The following HDAC9 variants were observed in gnomAD, a reference collection of about 807,000 sequenced individuals.
HDAC9 encodes histone deacetylase 9.
In HDAC9, 41 loss-of-function variants were observed where a neutral mutation model predicts 139.4. The ratio of observed to expected loss-of-function variants is 0.29; its 90% confidence interval spans 0.23 to 0.38. HDAC9 has a LOEUF of 0.38. Ranked by LOEUF, HDAC9 falls within the 10% of genes least tolerant of loss-of-function variation. The pLI is 1.00. For missense variants in HDAC9, 1,147 were observed against 1,297.0 expected, an observed-to-expected ratio of 0.88 and a Z score of 1.78; for synonymous variants, 517 against 476.2, an observed-to-expected ratio of 1.09 and a Z score of -1.12.
intron 1 of HDAC9, among the ~76,000 whole-genome samples, chr7:18,400,937 A>G (rs1291493972): frequency 6.6e-6 from 1 of 152,216 alleles, no homozygotes; most frequent in Non-Finnish European, 1.5e-5. Context: ...ATCAGAAGCT[A>G]AATAAACAGT....
At chr7:18,426,394 T>G (rs768232246) in intron 1 of HDAC9, among the ~76,000 whole-genome samples, 4 of 152,196 alleles carry the variant, frequency 2.6e-5, no homozygotes, top group Non-Finnish European at 5.9e-5. Context: ...CTGAATATTT[T>G]GCTAACATAC....
chr7:18,168,879 G>GTTTTTT (rs112502543), intron 2 of HDAC9, among the ~76,000 whole-genome samples: 5 of 80,882 alleles, frequency 6.2e-5, no homozygotes, highest in South Asian at 5.3e-4. Context: ...CAAATGTCTT[G>GTTTTTT]TTTTTTTTTT....
At chr7:18,237,313 C>T (rs1157842306) in intron 2 of HDAC9, among the ~76,000 whole-genome samples, 1 of 152,182 alleles carries the variant, frequency 6.6e-6, no homozygotes, top group Admixed American at 6.5e-5. Flanking sequence ...ATGTAACTGA[C>T]ATAGTAATTT....
intron 1 of HDAC9, among the ~76,000 whole-genome samples, chr7:18,326,102 A>G (rs1178543949): frequency 6.6e-6 from 1 of 152,146 alleles, no homozygotes; most frequent in Non-Finnish European, 1.5e-5. Context: ...ACATTAGACC[A>G]ATGATATTCT....
chr7:18,158,553 C>A (rs574248695), intron 1 of HDAC9, among the ~76,000 whole-genome samples: 1 of 152,288 alleles, frequency 6.6e-6, no homozygotes, highest in African/African-American at 2.4e-5. Context: ...ATTTGCCAGC[C>A]ACATATCTGT....
At chr7:18,096,521 A>C (rs114893315) in intron 1 of HDAC9, among the ~76,000 whole-genome samples, 2,533 of 152,320 alleles carry the variant, frequency 0.017, 81 homozygotes, top group African/African-American at 0.058. Context: ...AATATTTCAC[A>C]TCAAGCTCAT....
At chr7:18,941,355 G>C (rs143407939) in intron 23 of HDAC9, among the ~76,000 whole-genome samples, 1 of 152,012 alleles carries the variant, frequency 6.6e-6, no homozygotes, top group Non-Finnish European at 1.5e-5. Flanking sequence ...TGATTGTGTT[G>C]GTTGATAATC....
Position 18,468,893 on chromosome 7 carries a change from A to G in HDAC9, c.-41-27369A>G, listed in dbSNP as rs1329297163. On this transcript the variant is annotated intron_variant, in intron 1 of 3. Transcript: ENST00000413509. ...GGTATAAGTACAAACCAAGAGACAC[A>G]AAAATCAATTTAAAAGATAAATCTC... 2.0e-5 allele frequency among the ~76,000 whole-genome samples: 3 copies of G among 152,222 alleles called. No individual in the cohort carries two copies. In the East Asian group the frequency reaches 5.8e-4, roughly 29 times the overall value.
intron 13 of HDAC9, among the ~76,000 whole-genome samples, chr7:18,728,674 C>A (rs1374751006): frequency 2.6e-5 from 4 of 152,114 alleles, no homozygotes; most frequent in Non-Finnish European, 4.4e-5. Context: ...TTTTAAAATC[C>A]ATTTTCAGGA....
In HDAC9 at chr7:18,744,124, G is replaced by C. The variant is rs541475559; in HGVS notation, c.1910-4881G>C. On this transcript the variant is annotated intron_variant, in intron 13 of 25. Transcript: ENST00000686413. ...TCCTGCCTCAGCCTCCTGAGTAGCT[G>C]GGATTGCAGGCATATACCACCACAC... Among the ~76,000 whole-genome samples, 3 of 149,446 alleles carry C rather than the reference G, an allele frequency of 2.0e-5. No individual in the cohort carries two copies. In the East Asian group the frequency reaches 6.1e-4, roughly 30 times the overall value.
At chr7:18,508,677 A>G (rs1800527660) in intron 2 of HDAC9, among the ~76,000 whole-genome samples, 1 of 152,154 alleles carries the variant, frequency 6.6e-6, no homozygotes, top group African/African-American at 2.4e-5. Flanking sequence ...AGTTCAGTGA[A>G]GCAAACAGTT....
chr7:18,461,754 C>T (rs1368647307), intron 1 of HDAC9, among the ~76,000 whole-genome samples: 1 of 152,102 alleles, frequency 6.6e-6, no homozygotes, highest in Non-Finnish European at 1.5e-5. Flanking sequence ...CACTGTGTTA[C>T]TGTTAGATTT....
At chr7:18,087,643 A>G (rs1050945976) in intron 1 of HDAC9, among the ~76,000 whole-genome samples, 1 of 152,212 alleles carries the variant, frequency 6.6e-6, no homozygotes, top group African/African-American at 2.4e-5. Flanking sequence ...AAGTCAATAC[A>G]TCAGAATCCT....
intron 13 of HDAC9, among the ~76,000 whole-genome samples, chr7:18,738,703 C>T (rs374726980): frequency 4.3e-4 from 66 of 152,256 alleles, no homozygotes; most frequent in Middle Eastern, 3.4e-3. Flanking sequence ...CTTTTTCCTT[C>T]ATTTCAACCT....
intron 14 of HDAC9, among the ~76,000 whole-genome samples, chr7:18,753,829 T>A (rs535765254): frequency 2.0e-5 from 3 of 152,232 alleles, no homozygotes; most frequent in African/African-American, 7.2e-5. Context: ...TATGTTTAGA[T>A]GAGGGTGTTA....
At position 18,272,131 on chromosome 7, in the gene HDAC9, T is replaced by C. The variant is rs1217062123; in HGVS notation, c.25+109782T>C. On this transcript the variant is annotated intron_variant, in intron 2 of 12. Transcript: ENST00000417496. ...CATAGATTATTATGGAATGGCAGTA[T>C]TTCAAATGTTTATGTTTTACAGGAT... is the stretch of plus-strand genomic sequence containing the variant. Among the ~76,000 whole-genome samples the C allele has an allele frequency of 2.6e-5, 4 of 152,172 alleles. No homozygotes were observed. The East Asian group carries it at 7.7e-4, about 29-fold the overall frequency.
intron 12 of HDAC9, chr7:18,667,789 G>A (rs1795244017): frequency 5.1e-6 from 5 of 984,736 alleles, no homozygotes; most frequent in South Asian, 4.7e-5. Context: ...AACACCACAA[G>A]TAGGGAAATT....
intron 2 of HDAC9, among the ~76,000 whole-genome samples, chr7:18,275,653 CAT>C (rs1796669833): frequency 6.6e-6 from 1 of 152,186 alleles, no homozygotes; most frequent in Non-Finnish European, 1.5e-5. Flanking sequence ...TCCCACCAGA[CAT>C]ATTTTATCCT....
intron 22 of HDAC9, among the ~76,000 whole-genome samples, chr7:18,903,825 A>C (rs540802389): frequency 6.6e-6 from 1 of 152,158 alleles, no homozygotes; most frequent in Admixed American, 6.5e-5. Flanking sequence ...ACTCTGGCTT[A>C]GGATCTTTGT....
Sources: gnomAD v4.1 joint callset for allele counts (sites outside exome capture counted in the v4.1 genomes callset) on GRCh38, gnomAD v4.1.1 for gene constraint, MANE v1.5 for transcripts, NCBI Gene and HGNC (gene_info 2026-07-23, HGNC 2026-07-21) for gene names.